Variants in ULK4 observed in about 807,000 individuals in gnomAD.
ULK4 encodes inactive serine/threonine-protein kinase ULK4.
ULK4 carries 133 observed loss-of-function variants against 160.6 expected under a neutral mutation model. That is an observed-to-expected ratio of 0.83 (90% CI 0.72 to 0.96). ULK4 has a LOEUF of 0.96. Among genes scored for constraint, ULK4 ranks in the 40% least tolerant of loss-of-function variants. The probability of loss-of-function intolerance (pLI) is 0.00; values close to 1 mark genes in which losing one functional copy is unlikely to be tolerated. For missense variants in ULK4, 1,580 were observed against 1,499.5 expected (o/e 1.05, Z -0.89); for synonymous variants, 534 against 539.8 (o/e 0.99, Z 0.15).
At position 41,398,152 on chromosome 3, in the gene ULK4, A is replaced by C. The variant is rs1332488994; in HGVS notation, c.3605T>G (p.Ile1202Ser). The C allele has an allele frequency of 2.5e-6, 4 of 1,613,340 alleles. No individual in the cohort carries two copies. The highest frequency in any genetic ancestry group is 2.5e-6 in the Non-Finnish European group (3 of 1,179,672). Residue 1202 changes from isoleucine (I) to serine (S), a missense_variant, in exon 35 of 37, where the codon ATT becomes AGT. Coordinates refer to ENST00000301831, the MANE Select transcript of ULK4 (RefSeq NM_017886.4). Reference protein sequence around the residue: ...PDSLSPENVEIFAHLLTSKED... With the variant: ...PDSLSPENVESFAHLLTSKED... ...CTTGGATGTCAGTAAATGAGCAAAAATTTCCACATTTTCAGGAGAGAGGCT... is the reference window on the plus strand; with the variant it reads ...CTTGGATGTCAGTAAATGAGCAAAACTTTCCACATTTTCAGGAGAGAGGCT...
At chr3:41,317,265 C>T (rs1021435331) in intron 35 of ULK4, among the ~76,000 whole-genome samples, 21 of 151,702 alleles carry the variant, frequency 1.4e-4, no homozygotes, top group African/African-American at 4.1e-4. Flanking sequence ...TTAGTAGAGA[C>T]GGGGTTTCAC....
At chr3:41,416,540 C>G (rs1369496099) in intron 34 of ULK4, among the ~76,000 whole-genome samples, 1 of 152,188 alleles carries the variant, frequency 6.6e-6, no homozygotes, top group Non-Finnish European at 1.5e-5. Flanking sequence ...TGGCTCTTCC[C>G]TTTGAATACT....
intron 5 of ULK4, among the ~76,000 whole-genome samples, chr3:41,925,624 CA>C (rs1699356912): frequency 6.6e-6 from 1 of 152,188 alleles, no homozygotes; most frequent in South Asian, 2.1e-4. Context: ...GTCCCACCCC[CA>C]CGGAGCCCAG....
intron 21 of ULK4, among the ~76,000 whole-genome samples, chr3:41,773,316 A>G (rs2039474897): frequency 6.6e-6 from 1 of 152,214 alleles, no homozygotes; most frequent in African/African-American, 2.4e-5. Context: ...GTATATCTAG[A>G]AAACCCCATT....
At chr3:41,407,124 G>T (rs1421245559) in intron 34 of ULK4, among the ~76,000 whole-genome samples, 1 of 152,138 alleles carries the variant, frequency 6.6e-6, no homozygotes, top group Non-Finnish European at 1.5e-5. Flanking sequence ...AAAGCAGGCC[G>T]AGGCTCAATC....
At chr3:41,808,025 G>T (rs978340673) in intron 19 of ULK4, among the ~76,000 whole-genome samples, 3 of 152,152 alleles carry the variant, frequency 2.0e-5, no homozygotes, top group Admixed American at 6.5e-5. Context: ...TCTCCTAGTT[G>T]TAAGCCTTAA....
At chr3:41,729,898 A>G (rs2037768427) in intron 22 of ULK4, among the ~76,000 whole-genome samples, 1 of 152,220 alleles carries the variant, frequency 6.6e-6, no homozygotes, top group Non-Finnish European at 1.5e-5. Flanking sequence ...AAAGCCAACA[A>G]ACCCAACACA....
intron 35 of ULK4, among the ~76,000 whole-genome samples, chr3:41,296,473 C>T (rs530560498): frequency 2.6e-5 from 4 of 152,138 alleles, no homozygotes; most frequent in East Asian, 1.9e-4. Context: ...GTTTCCTGGC[C>T]GATGCTGGGG....
At chr3:41,920,433 C>T (rs1028122920) in intron 5 of ULK4, among the ~76,000 whole-genome samples, 1 of 152,124 alleles carries the variant, frequency 6.6e-6, no homozygotes, top group Non-Finnish European at 1.5e-5. Context: ...CATTGTGTGC[C>T]CCATATACTT....
intron 32 of ULK4, among the ~76,000 whole-genome samples, chr3:41,551,759 C>T (rs2087077165): frequency 6.6e-6 from 1 of 151,836 alleles, no homozygotes; most frequent in Non-Finnish European, 1.5e-5. Context: ...TAATTACCCC[C>T]AACTCATTCT....
At chr3:41,432,665 T>TA (rs2082939251) in intron 34 of ULK4, among the ~76,000 whole-genome samples, 3 of 152,194 alleles carry the variant, frequency 2.0e-5, no homozygotes, top group Non-Finnish European at 4.4e-5. Context: ...TGCTCCCAAT[T>TA]ACTTAATGAT....
At chr3:41,344,504 C>T (rs1437929177) in intron 35 of ULK4, among the ~76,000 whole-genome samples, 1 of 152,036 alleles carries the variant, frequency 6.6e-6, no homozygotes, top group Non-Finnish European at 1.5e-5. Context: ...GTAATCCCAG[C>T]ACTTTGGAAG....
chr3:41,477,431 C>T (rs1268545549), intron 32 of ULK4, among the ~76,000 whole-genome samples: 1 of 152,134 alleles, frequency 6.6e-6, no homozygotes. Context: ...TCAAAGGTAA[C>T]CTTCCTGCAT....
At chr3:41,808,465 G>C (rs1161737192) in intron 19 of ULK4, among the ~76,000 whole-genome samples, 3 of 152,152 alleles carry the variant, frequency 2.0e-5, no homozygotes, top group African/African-American at 7.2e-5. Context: ...AGTGACTCTA[G>C]TCCATCTTCA....
chr3:41,644,559 G>A (rs1178472867), intron 30 of ULK4, among the ~76,000 whole-genome samples: 1 of 152,120 alleles, frequency 6.6e-6, no homozygotes, highest in Non-Finnish European at 1.5e-5. Flanking sequence ...GATCATGGTG[G>A]ATAAGCTTTT....
chr3:41,901,027 T>C (rs1179601067), intron 12 of ULK4, among the ~76,000 whole-genome samples, 198 bp from the exon 13 acceptor site: 1 of 148,034 alleles, frequency 6.8e-6, no homozygotes, highest in Admixed American at 6.8e-5. Context: ...ATTCCCATTT[T>C]ACAGATAAAA....
intron 31 of ULK4, among the ~76,000 whole-genome samples, chr3:41,592,308 G>A (rs2031392603): frequency 6.6e-6 from 1 of 152,192 alleles, no homozygotes; most frequent in Non-Finnish European, 1.5e-5. Context: ...GAAGCAGCGG[G>A]AAAAGCCCTG....
chr3:41,287,508 A>C (rs1262070495), intron 35 of ULK4, among the ~76,000 whole-genome samples: 1 of 152,204 alleles, frequency 6.6e-6, no homozygotes, highest in Admixed American at 6.5e-5. Context: ...GAAACAAAAT[A>C]AGGCCAAATA....
At chr3:41,848,382 T>C (rs770889881) in intron 17 of ULK4, among the ~76,000 whole-genome samples, 1 of 152,194 alleles carries the variant, frequency 6.6e-6, no homozygotes, top group Non-Finnish European at 1.5e-5. Context: ...AAAAGAAATC[T>C]GCCATTTTTT....
Sources: allele counts gnomAD v4.1 joint callset (sites outside exome capture counted in the v4.1 genomes callset), GRCh38; gene constraint gnomAD v4.1.1; transcripts MANE v1.5; gene names NCBI Gene and HGNC (gene_info 2026-07-23, HGNC 2026-07-21).